Variants in SPIRE1 observed in about 807,000 individuals in gnomAD.
The protein encoded by SPIRE1 is protein spire homolog 1.
Under a neutral mutation model 94.1 loss-of-function variants are expected in SPIRE1, and 40 were observed. The observed-to-expected ratio is 0.43, with a 90% CI of 0.33 to 0.55. SPIRE1 has a LOEUF of 0.55. Among genes scored for constraint, SPIRE1 ranks in the 20% least tolerant of loss-of-function variants. The pLI is 0.06. For synonymous variants in SPIRE1, 376 were observed against 371.7 expected (o/e 1.01, Z -0.13); for missense variants, 838 against 975.2 (o/e 0.86, Z 1.87).
chr18:12,594,240 G>A (rs2036611918), intron 2 of SPIRE1, among the ~76,000 whole-genome samples: 1 of 152,122 alleles, frequency 6.6e-6, no homozygotes, highest in African/African-American at 2.4e-5. Flanking sequence ...TACCACCAAA[G>A]TAAAGACTGG....
intron 11 of SPIRE1, 52 bp downstream of exon 11, chr18:12,464,816 G>T: frequency 6.8e-7 from 1 of 1,474,560 alleles, no homozygotes; most frequent in Non-Finnish European, 9.5e-7. Flanking sequence ...TAGGTCAAGT[G>T]TGTTTTGTAG....
chr18:12,514,848 AG>A (rs2144052431), intron 4 of SPIRE1, among the ~76,000 whole-genome samples: 1 of 152,348 alleles, frequency 6.6e-6, no homozygotes, highest in Non-Finnish European at 1.5e-5. Flanking sequence ...AAAATAAAGA[AG>A]AAAAAGAAAT....
rs373605651 is a variant in SPIRE1, at chr18:12,449,743, C to T, written c.2166G>A (p.Leu722=). The change falls in exon 17 of 17, where the codon TTG becomes TTA. Residue 722 remains leucine (L), a synonymous_variant. Transcript: ENST00000409402. ...IISSSRRSLV[L]ANKRARLKRK... ...TTTTCAATCGGGCCCTTTTGTTGGC[C>T]AACACCAGACTGCGCCGGCTTGAAC... 1.7e-5 allele frequency: 28 copies of T among 1,614,104 alleles called. No individual in the cohort carries two copies. Among genetic ancestry groups the T allele is most frequent in the Non-Finnish European group, 2.4e-5 (28 of 1,180,012 alleles).
At chr18:12,462,814 T>C (rs1343395006) in intron 12 of SPIRE1, among the ~76,000 whole-genome samples, 1 of 151,634 alleles carries the variant, frequency 6.6e-6, no homozygotes, top group Admixed American at 6.6e-5. Flanking sequence ...TCTTTAATAA[T>C]AATCCATACT....
rs192438225 is a variant in SPIRE1 at position 12,584,972 on chromosome 18, A to G, written c.373-38068T>C. Among the ~76,000 whole-genome samples the G allele has an allele frequency of 2.1e-3, 326 of 152,084 alleles. 2 individuals are homozygous for G. The highest frequency in any genetic ancestry group is 3.9e-3 in the Non-Finnish European group (267 of 67,982). ...AGGCATGTGCCACCATGCCTGGCTA[A>G]ATTTTGTATTTTTAGTAGAGATGGG... On this transcript the variant is annotated intron_variant, in intron 2 of 16. Transcript: ENST00000409402.
At chr18:12,563,107 A>AATTTCAGTT (rs1202756763) in intron 2 of SPIRE1, among the ~76,000 whole-genome samples, 1 of 151,948 alleles carries the variant, frequency 6.6e-6, no homozygotes, top group African/African-American at 2.4e-5. Flanking sequence ...ATGAATGTTT[A>AATTTCAGTT]ATTTCAGTTA....
chr18:12,579,232 C>A (rs897191194), intron 2 of SPIRE1, among the ~76,000 whole-genome samples: 15 of 136,792 alleles, frequency 1.1e-4, no homozygotes, highest in South Asian at 2.4e-4. Flanking sequence ...CACACACACA[C>A]AAAATACTGA....
intron 10 of SPIRE1, among the ~76,000 whole-genome samples, chr18:12,465,262 T>C (rs991879830): frequency 6.6e-6 from 1 of 152,114 alleles, no homozygotes; most frequent in African/African-American, 2.4e-5. Flanking sequence ...CTGCAGCGTC[T>C]ACCTTCTGGG....
chr18:12,538,228 CT>C (rs906933628), intron 3 of SPIRE1, among the ~76,000 whole-genome samples: 2 of 152,102 alleles, frequency 1.3e-5, no homozygotes, highest in African/African-American at 4.8e-5. Flanking sequence ...TCTTAAAGTA[CT>C]TAAAGCATAG....
intron 9 of SPIRE1, among the ~76,000 whole-genome samples, chr18:12,481,051 C>T (rs1478607693): frequency 6.6e-6 from 1 of 152,022 alleles, no homozygotes; most frequent in Non-Finnish European, 1.5e-5. Context: ...AGAATGTGGC[C>T]CGGCATGGTG....
chr18:12,552,919 CA>C (rs2035396335), intron 2 of SPIRE1, among the ~76,000 whole-genome samples: 2 of 152,134 alleles, frequency 1.3e-5, no homozygotes, highest in Admixed American at 1.3e-4. Context: ...ACCAGGCAGT[CA>C]TGAGACCCCC....
chr18:12,491,611 A>C (rs979112270), intron 8 of SPIRE1, among the ~76,000 whole-genome samples: 1 of 152,054 alleles, frequency 6.6e-6, no homozygotes, highest in Non-Finnish European at 1.5e-5. Context: ...ATCCACTCTG[A>C]AGCTTTGTCA....
intron 1 of SPIRE1, among the ~76,000 whole-genome samples, chr18:12,642,676 T>C (rs2038118845): frequency 6.6e-6 from 1 of 152,096 alleles, no homozygotes; most frequent in African/African-American, 2.4e-5. Context: ...CCCAGGACTA[T>C]TTAGAAATGG....
At chr18:12,468,350 C>T (rs1056043298) in intron 10 of SPIRE1, among the ~76,000 whole-genome samples, 1 of 152,216 alleles carries the variant, frequency 6.6e-6, no homozygotes, top group Non-Finnish European at 1.5e-5. Context: ...TCTAGCTGTA[C>T]ATGCGATGTG....
At chr18:12,631,285 A>C (rs1383487757) in intron 2 of SPIRE1, among the ~76,000 whole-genome samples, 1 of 152,128 alleles carries the variant, frequency 6.6e-6, no homozygotes, top group Non-Finnish European at 1.5e-5. Context: ...AGGAATGTTT[A>C]AAATATGTAT....
intron 7 of SPIRE1, 59 bp from the exon 8 acceptor site, chr18:12,493,260 T>C: frequency 6.1e-6 from 9 of 1,476,598 alleles, no homozygotes; most frequent in Non-Finnish European, 7.4e-6. Context: ...TACTGAAGTC[T>C]AGTCATACAG....
intron 2 of SPIRE1, among the ~76,000 whole-genome samples, chr18:12,625,811 G>T (rs1464319566): frequency 6.6e-6 from 1 of 152,194 alleles, no homozygotes; most frequent in Non-Finnish European, 1.5e-5. Context: ...GGGAGGCCAA[G>T]GCGGGTGGAT....
chr18:12,657,762 GCC>G lies in SPIRE1; in HGVS notation c.103_104del (p.Gly35LeufsTer79). The G allele has an allele frequency of 3.0e-6, 4 of 1,340,178 alleles. No homozygotes were observed. Among genetic ancestry groups the G allele is most frequent in the Non-Finnish European group, 9.6e-7 (1 of 1,038,290 alleles). 83.0% of individuals were successfully genotyped at this position (1,340,178 alleles called of 1,614,324 possible). On this transcript the variant is annotated frameshift_variant, in exon 1 of 17. Transcript: ENST00000409402. LOFTEE classifies it high-confidence loss of function. ...CCTCCAGGCTCAGCGCGTCCCGGGA[GCC>G]CCCGGCCGCGCCGCCGGCTGCCCCG... ...EPGAAGGAAG[G>X]SRDALSLEEI...
intron 5 of SPIRE1, among the ~76,000 whole-genome samples, chr18:12,510,823 A>G (rs1293769978): frequency 6.6e-6 from 1 of 152,054 alleles, no homozygotes; most frequent in Non-Finnish European, 1.5e-5. Context: ...TACAGGTGTG[A>G]GCCACCACAC....
Sources: allele counts gnomAD v4.1 joint callset (sites outside exome capture counted in the v4.1 genomes callset), GRCh38; gene constraint gnomAD v4.1.1; transcripts MANE v1.5; gene names NCBI Gene and HGNC (gene_info 2026-07-23, HGNC 2026-07-21).